Variants in DPYD observed in about 807,000 individuals in gnomAD.
DPYD encodes the protein dihydropyrimidine dehydrogenase [NADP(+)].
DPYD carries 109 observed loss-of-function variants against 116.2 expected under a neutral mutation model. That is an observed-to-expected ratio of 0.94 (90% CI 0.80 to 1.10). DPYD has a LOEUF of 1.10. Among genes scored for constraint, DPYD ranks in the 50% least tolerant of loss-of-function variants. DPYD has a pLI of 0.00. For missense variants in DPYD, 1,302 were observed against 1,254.5 expected (o/e 1.04, Z -0.57); for synonymous variants, 440 against 432.0 (o/e 1.02, Z -0.23).
At chr1:97,341,661 A>G (rs1158845421) in intron 16 of DPYD, among the ~76,000 whole-genome samples, 1 of 152,212 alleles carries the variant, frequency 6.6e-6, no homozygotes, top group Non-Finnish European at 1.5e-5. Context: ...GCAGATAATC[A>G]CGAAGACCTG....
intron 8 of DPYD, among the ~76,000 whole-genome samples, chr1:97,648,122 T>C (rs1230587645): frequency 6.6e-6 from 1 of 152,052 alleles, no homozygotes; most frequent in Non-Finnish European, 1.5e-5. Flanking sequence ...TAGGTGATAG[T>C]TTGAGTCAAT....
intron 3 of DPYD, among the ~76,000 whole-genome samples, chr1:97,810,196 A>G (rs886558773): frequency 1.3e-5 from 2 of 149,112 alleles, no homozygotes. Flanking sequence ...CTGAGGCAGG[A>G]GAATGGTGTG....
intron 19 of DPYD, among the ~76,000 whole-genome samples, chr1:97,230,453 G>A (rs1033762638): frequency 1.3e-5 from 2 of 152,092 alleles, no homozygotes; most frequent in Admixed American, 6.6e-5. Context: ...TGAACACATA[G>A]AGGGGAATGA....
At chr1:97,575,351 A>G (rs1653196813) in intron 10 of DPYD, among the ~76,000 whole-genome samples, 1 of 152,182 alleles carries the variant, frequency 6.6e-6, no homozygotes, top group Non-Finnish European at 1.5e-5. Context: ...CTTCAAGAAG[A>G]GCTAAAGTAT....
At chr1:97,553,433 CTG>C (rs1651470735) in intron 11 of DPYD, among the ~76,000 whole-genome samples, 1 of 151,970 alleles carries the variant, frequency 6.6e-6, no homozygotes, top group Non-Finnish European at 1.5e-5. Context: ...ATCATTGTAA[CTG>C]TTCTTCTATG....
At chr1:97,864,814 T>G (rs1671291745) in intron 2 of DPYD, among the ~76,000 whole-genome samples, 1 of 151,906 alleles carries the variant, frequency 6.6e-6, no homozygotes, top group South Asian at 2.1e-4. Context: ...AACAGCAGTT[T>G]CACCGGTGCA....
chr1:97,112,007 A>C (rs1651633468), intron 20 of DPYD, among the ~76,000 whole-genome samples: 1 of 152,128 alleles, frequency 6.6e-6, no homozygotes, highest in Non-Finnish European at 1.5e-5. Context: ...AGCTTCATAC[A>C]CAATAGGCAC....
intron 18 of DPYD, among the ~76,000 whole-genome samples, chr1:97,292,748 T>A (rs1012363863): frequency 4.2e-4 from 53 of 125,636 alleles, no homozygotes; most frequent in Non-Finnish European, 6.6e-4. Context: ...ACACACACAC[T>A]ATTTCTACAA....
At chr1:97,228,465 T>C (rs1046917243) in intron 19 of DPYD, among the ~76,000 whole-genome samples, 2 of 152,186 alleles carry the variant, frequency 1.3e-5, no homozygotes, top group African/African-American at 4.8e-5. Flanking sequence ...CTTAATTACA[T>C]AAGATTTTGA....
In DPYD at chr1:97,588,392, C is replaced by A. The variant is rs992807911; in HGVS notation, c.1128+4826G>T. On this transcript the variant is annotated intron_variant, in intron 10 of 22. Coordinates refer to ENST00000370192, the MANE Select transcript of DPYD (RefSeq NM_000110.4). ...GTGCTATTAAAAGTAAATTTGAAACCATCCTCTTCTCGGTAATAATTAATA... is the reference window on the plus strand; with the variant it reads ...GTGCTATTAAAAGTAAATTTGAAACAATCCTCTTCTCGGTAATAATTAATA... Among the ~76,000 whole-genome samples, 5 of 152,046 alleles carry A rather than the reference C, an allele frequency of 3.3e-5. 1 individual carries two copies. The South Asian group carries it at 1.0e-3, about 32-fold the overall frequency.
chr1:97,088,445 C>T (rs1649673017), intron 21 of DPYD, among the ~76,000 whole-genome samples: 1 of 152,146 alleles, frequency 6.6e-6, no homozygotes, highest in South Asian at 2.1e-4. Context: ...CAAGGCAATT[C>T]AATAATTTTT....
chr1:97,272,244 G>A (rs1664628928), intron 18 of DPYD, among the ~76,000 whole-genome samples: 1 of 152,118 alleles, frequency 6.6e-6, no homozygotes. Flanking sequence ...GAGAGCACAA[G>A]CATGAAAGTT....
At position 97,784,271 on chromosome 1, in the gene DPYD, TTA is replaced by T. The variant is rs755690485; in HGVS notation, c.234-43794_234-43793del. Among the ~76,000 whole-genome samples, 1,022 of 144,476 alleles carry T rather than the reference TTA, an allele frequency of 7.1e-3. 8 individuals carry two copies. Among genetic ancestry groups the T allele is most frequent in the African/African-American group, 0.023 (913 of 39,490 alleles). The allele number at this position is 144,476 out of a possible 152,430, so 94.8% of individuals were successfully genotyped here. A position where few individuals can be genotyped will look rare whatever the true frequency, so the allele number is the denominator to read the frequency against. On this transcript the variant is annotated intron_variant, in intron 3 of 22. Transcript: ENST00000370192. Reference sequence around the variant, plus strand: ...GATATAAGCCATGCTTTTCCTTTTTTTAAAAAAAAAAATTACTCTTACAGTGT... The same window carrying T: ...GATATAAGCCATGCTTTTCCTTTTTTAAAAAAAAAATTACTCTTACAGTGT...
At chr1:97,250,237 C>T (rs1320434210) in intron 18 of DPYD, among the ~76,000 whole-genome samples, 1 of 151,344 alleles carries the variant, frequency 6.6e-6, no homozygotes, top group Non-Finnish European at 1.5e-5. Flanking sequence ...GCCATTGCAC[C>T]CCAGCCCAGG....
intron 19 of DPYD, among the ~76,000 whole-genome samples, chr1:97,219,657 TA>T (rs1299903889): frequency 1.3e-5 from 2 of 151,988 alleles, no homozygotes; most frequent in Admixed American, 1.3e-4. Context: ...TTATGAAGGA[TA>T]AAAACCATTA....
At chr1:97,431,162 A>G (rs181495303) in intron 14 of DPYD, among the ~76,000 whole-genome samples, 44 of 152,278 alleles carry the variant, frequency 2.9e-4, no homozygotes, top group Admixed American at 1.9e-3. Context: ...TTACACATAG[A>G]GAAAAAATGT....
chr1:97,594,275 G>A (rs565419563), intron 9 of DPYD, among the ~76,000 whole-genome samples: 87 of 152,202 alleles, frequency 5.7e-4, no homozygotes, highest in African/African-American at 1.8e-3. Context: ...CAAGCTAGGT[G>A]CACTATGACC....
intron 10 of DPYD, 109 bp from the exon 11 acceptor site, chr1:97,574,079 T>C: frequency 4.0e-6 from 6 of 1,516,304 alleles, no homozygotes; most frequent in Admixed American, 2.1e-5. Context: ...TAAGTCAATA[T>C]GCAGCTTTTT....
chr1:97,351,055 T>C (rs1455190168), intron 16 of DPYD, among the ~76,000 whole-genome samples: 2 of 152,190 alleles, frequency 1.3e-5, no homozygotes, highest in African/African-American at 4.8e-5. Flanking sequence ...CCACTATAAA[T>C]AATTTCCCTG....
Sources: allele counts gnomAD v4.1 joint callset (sites outside exome capture counted in the v4.1 genomes callset), GRCh38; gene constraint gnomAD v4.1.1; transcripts MANE v1.5; gene names NCBI Gene and HGNC (gene_info 2026-07-23, HGNC 2026-07-21).